Variants in FRMD4A observed in about 807,000 individuals in gnomAD.
The protein encoded by FRMD4A is FERM domain containing 4A, also known as FERM domain-containing protein 4A.
A neutral mutation model predicts 129.1 loss-of-function variants in FRMD4A; 29 were observed. That is an observed-to-expected ratio of 0.22 (90% CI 0.17 to 0.31). The LOEUF is 0.31. FRMD4A is among the 10% of genes least tolerant of loss of function. FRMD4A has a pLI of 1.00. For synonymous variants in FRMD4A, 634 were observed against 571.6 expected (o/e 1.11, Z -1.56); for missense variants, 1,272 against 1,375.8 (o/e 0.92, Z 1.19).
chr10:13,683,233 G>A (rs532212933), intron 15 of FRMD4A, among the ~76,000 whole-genome samples: 133 of 152,198 alleles, frequency 8.7e-4, no homozygotes, highest in Non-Finnish European at 1.4e-3. Context: ...GGAGAGACAC[G>A]AACAGCAGAC....
chr10:13,716,307 A>G (rs977541616), intron 12 of FRMD4A, among the ~76,000 whole-genome samples: 6 of 152,176 alleles, frequency 3.9e-5, no homozygotes, highest in African/African-American at 1.4e-4. Flanking sequence ...CACCCTGCGA[A>G]AAAAGTATCC....
chr10:14,180,178 T>C (rs1456292856), intron 2 of FRMD4A, among the ~76,000 whole-genome samples: 2 of 152,256 alleles, frequency 1.3e-5, no homozygotes, highest in Non-Finnish European at 2.9e-5. Context: ...TTATTGAGCA[T>C]CAGCTTTGTT....
chr10:13,831,719 C>T (rs1234175391), intron 3 of FRMD4A, among the ~76,000 whole-genome samples: 1 of 152,196 alleles, frequency 6.6e-6, no homozygotes. Flanking sequence ...TCCTTCCACA[C>T]GTCCACTGTG....
At chr10:14,179,297 C>A (rs1459851014) in intron 2 of FRMD4A, among the ~76,000 whole-genome samples, 1 of 152,170 alleles carries the variant, frequency 6.6e-6, no homozygotes, top group Non-Finnish European at 1.5e-5. Flanking sequence ...AGATTGTGAC[C>A]TAAGCACCGT....
intron 9 of FRMD4A, among the ~76,000 whole-genome samples, chr10:13,746,772 AC>A (rs1171832279): frequency 6.6e-6 from 1 of 152,208 alleles, no homozygotes; most frequent in East Asian, 1.9e-4. Context: ...AAGAGGTATT[AC>A]AGTTATTAAA....
rs1018471248 is a variant in FRMD4A, at chr10:14,057,090, C to G, written c.46-198178G>C. ...ACATGAGAAAAATGCTAGTCTTCTTCACTCAGGCTTAGGAATGAGGCCTCA... is the reference window on the plus strand; with the variant it reads ...ACATGAGAAAAATGCTAGTCTTCTTGACTCAGGCTTAGGAATGAGGCCTCA... On this transcript the variant is annotated intron_variant, in intron 2 of 24. Transcript: ENST00000357447. Among the ~76,000 whole-genome samples the G allele has an allele frequency of 2.0e-5, 3 of 152,314 alleles. No homozygotes were observed. The East Asian group carries it at 5.8e-4, about 29-fold the overall frequency.
At chr10:13,680,881 T>C (rs1258262908) in intron 15 of FRMD4A, among the ~76,000 whole-genome samples, 1 of 151,394 alleles carries the variant, frequency 6.6e-6, no homozygotes, top group Non-Finnish European at 1.5e-5. Flanking sequence ...CCTGCTCTAC[T>C]AAAAAAAAAT....
chr10:13,749,807 A>T (rs1046510265), intron 8 of FRMD4A, among the ~76,000 whole-genome samples: 2 of 151,896 alleles, frequency 1.3e-5, no homozygotes, highest in Non-Finnish European at 2.9e-5. Flanking sequence ...TGGGCAACAT[A>T]GTGGGATCCT....
At chr10:14,281,943 TG>T (rs1845532427) in intron 2 of FRMD4A, among the ~76,000 whole-genome samples, 3 of 152,296 alleles carry the variant, frequency 2.0e-5, no homozygotes, top group Admixed American at 2.0e-4. Flanking sequence ...ACCCAGAGAT[TG>T]GGTGATTTAT....
chr10:14,328,143 T>G (rs889212797), intron 2 of FRMD4A, among the ~76,000 whole-genome samples: 2 of 151,794 alleles, frequency 1.3e-5, no homozygotes, highest in African/African-American at 4.9e-5. Flanking sequence ...TACTCCAGGG[T>G]TCTTTAATCA....
intron 2 of FRMD4A, among the ~76,000 whole-genome samples, chr10:14,124,146 C>A (rs541330594): frequency 2.0e-5 from 3 of 152,230 alleles, no homozygotes; most frequent in African/African-American, 7.2e-5. Flanking sequence ...GTCTCCAGGG[C>A]CTCTTTATTC....
At chr10:14,154,397 A>T (rs1168049647) in intron 2 of FRMD4A, among the ~76,000 whole-genome samples, 1 of 152,128 alleles carries the variant, frequency 6.6e-6, no homozygotes, top group Non-Finnish European at 1.5e-5. Flanking sequence ...AGCTATATGG[A>T]GAGGTTTGAT....
chr10:14,119,427 G>C (rs1278460414), intron 2 of FRMD4A, among the ~76,000 whole-genome samples: 4 of 152,206 alleles, frequency 2.6e-5, no homozygotes, highest in African/African-American at 4.8e-5. Flanking sequence ...ATGCCTTGAT[G>C]TGCAGATATA....
At chr10:13,675,120 GC>G in intron 15 of FRMD4A, 76 bp from the exon 16 acceptor site, 1 of 1,365,558 alleles carries the variant, frequency 7.3e-7, no homozygotes, top group Non-Finnish European at 1.0e-6. Flanking sequence ...TTTAACTGGA[GC>G]CCATGCTGCG....
At chr10:13,683,848 G>T (rs2084840016) in intron 15 of FRMD4A, among the ~76,000 whole-genome samples, 1 of 151,974 alleles carries the variant, frequency 6.6e-6, no homozygotes, top group African/African-American at 2.4e-5. Context: ...GAGTAGCTGG[G>T]ATTATAGTGC....
At chr10:13,943,675 A>AAAAAAAAAAAAAAAAAAAAAAAAAAAAAG (rs2095310696) in intron 2 of FRMD4A, among the ~76,000 whole-genome samples, 1 of 123,796 alleles carries the variant, frequency 8.1e-6, no homozygotes, top group Non-Finnish European at 1.8e-5. Flanking sequence ...AAAAAAAAAA[A>AAAAAAAAAAAAAAAAAAAAAAAAAAAAAG]AAAAGAAAAA....
chr10:14,266,589 G>C (rs1401061100), intron 2 of FRMD4A, among the ~76,000 whole-genome samples: 1 of 151,896 alleles, frequency 6.6e-6, no homozygotes, highest in Non-Finnish European at 1.5e-5. Flanking sequence ...AGAAAAATCT[G>C]TTTGAAAAAT....
intron 2 of FRMD4A, among the ~76,000 whole-genome samples, chr10:14,165,794 G>C (rs1841142736): frequency 6.6e-6 from 1 of 152,298 alleles, no homozygotes; most frequent in South Asian, 2.1e-4. Flanking sequence ...ATAAGTGGGA[G>C]ATAAACATTG....
chr10:14,042,792 A>C (rs980670011), intron 2 of FRMD4A, among the ~76,000 whole-genome samples: 6 of 151,644 alleles, frequency 4.0e-5, no homozygotes, highest in African/African-American at 1.5e-4. Flanking sequence ...GTGACACTGC[A>C]CCTCTACTAA....
Sources: allele counts gnomAD v4.1 joint callset (sites outside exome capture counted in the v4.1 genomes callset), GRCh38; gene constraint gnomAD v4.1.1; transcripts MANE v1.5; gene names NCBI Gene and HGNC (gene_info 2026-07-23, HGNC 2026-07-21).